The following ODR4 variants were observed in gnomAD, a reference collection of about 807,000 sequenced individuals.
ODR4 encodes the protein odr-4 GPCR localization factor homolog.
A neutral mutation model predicts 60.2 loss-of-function variants in ODR4; 47 were observed. The observed-to-expected ratio is 0.78, with a 90% confidence interval of 0.62 to 1.00. ODR4 has a LOEUF of 1.00. Among genes scored for constraint, ODR4 ranks in the 50% least tolerant of loss-of-function variants. The pLI is 0.00. For missense variants in ODR4, 488 were observed against 530.8 expected (o/e 0.92, Z 0.79); for synonymous variants, 178 against 175.5 (o/e 1.01, Z -0.11).
At chr1:186,378,820 C>G (rs1437649927) in intron 1 of ODR4, among the ~76,000 whole-genome samples, 1 of 152,196 alleles carries the variant, frequency 6.6e-6, no homozygotes, top group Non-Finnish European at 1.5e-5. Context: ...ATTAATGTTA[C>G]ATGGAAAGTA....
chr1:186,419,831 A>T lies in ODR4; in HGVS notation c.*755A>T, dbSNP rs1054728754. 15 of 152,242 alleles carry T rather than the reference A, an allele frequency of 9.9e-5. No individual in the cohort carries two copies. Among genetic ancestry groups the T allele is most frequent in the African/African-American group, 3.6e-4 (15 of 41,460 alleles). The allele number at this position is 152,242 out of a possible 1,614,324, so 9.4% of individuals were successfully genotyped here. On this transcript the variant is annotated 3_prime_UTR_variant, in exon 14 of 14. Transcript: ENST00000287859. ...TACCAAATGAGACAACAACTTTAGG[A>T]TAAGTTCATCCTCTAGGAGCTTTCT...
chr1:186,402,857 T>C (rs552582940), intron 11 of ODR4, among the ~76,000 whole-genome samples: 3 of 152,256 alleles, frequency 2.0e-5, no homozygotes, highest in Admixed American at 6.5e-5. Flanking sequence ...CTGGGAATTA[T>C]AGGCATGAGC....
the ODR4 span, among the ~76,000 whole-genome samples, chr1:186,429,289 G>C: frequency 6.6e-5 from 10 of 152,064 alleles, no homozygotes; most frequent in African/African-American, 2.4e-4. Context: ...AAAAGACAAT[G>C]AAAATGAAGA....
intron 12 of ODR4, among the ~76,000 whole-genome samples, chr1:186,408,278 T>A (rs1047683491): frequency 8.5e-5 from 13 of 152,120 alleles, no homozygotes; most frequent in African/African-American, 3.1e-4. Context: ...AAATTTTATT[T>A]TACTGCCTTT....
chr1:186,415,781 A>G (rs1256011545), intron 12 of ODR4, among the ~76,000 whole-genome samples: 1 of 152,256 alleles, frequency 6.6e-6, no homozygotes, highest in African/African-American at 2.4e-5. Flanking sequence ...CATTAAATAA[A>G]TTCGGATAGG....
the ODR4 span, among the ~76,000 whole-genome samples, chr1:186,430,612 AT>A: frequency 6.6e-6 from 1 of 152,038 alleles, no homozygotes. Context: ...TAATTTTAAT[AT>A]TTTTTTCTGT....
intron 12 of ODR4, chr1:186,412,006 C>T (rs1478076954): frequency 2.1e-5 from 4 of 190,360 alleles, no homozygotes; most frequent in African/African-American, 7.1e-5. Flanking sequence ...AGGTATGATC[C>T]TTTCAGGACT....
At chr1:186,405,076 AT>A (rs1360614127) in intron 11 of ODR4, among the ~76,000 whole-genome samples, 2 of 152,116 alleles carry the variant, frequency 1.3e-5, no homozygotes, top group Non-Finnish European at 2.9e-5. Context: ...ATTTAGATTT[AT>A]TTTTTTCTAA....
chr1:186,418,993 T>C lies in ODR4; in HGVS notation c.1298-16T>C, dbSNP rs1268060884. ...TCATTCCATTTTCATTTGTTCTGTG[T>C]TTGTTTTACTTTTAGGTGTGATTGC... On this transcript the variant is annotated splice_polypyrimidine_tract_variant and intron_variant, in intron 13 of 13. Coordinates refer to ENST00000287859, the MANE Select transcript of ODR4 (RefSeq NM_017847.6). 1.3e-6 allele frequency: 2 copies of C among 1,595,354 alleles called. No individual in the cohort carries two copies. Among genetic ancestry groups the C allele is most frequent in the African/African-American group, 2.7e-5 (2 of 74,942 alleles).
At chr1:186,407,059 T>A (rs1386678995) in intron 12 of ODR4, among the ~76,000 whole-genome samples, 1 of 152,140 alleles carries the variant, frequency 6.6e-6, no homozygotes, top group African/African-American at 2.4e-5. Context: ...GAACTTCAAA[T>A]CTATAGTAAA....
chr1:186,398,934 T>G lies in ODR4; in HGVS notation c.910-20T>G. On this transcript the variant is annotated intron_variant, in intron 10 of 13. Transcript: ENST00000287859. ...AGTATTTTATTTCTTACTGTGTTTT[T>G]TGTGTGTTTTTCCCTGTAGGCAGTA... 2.0e-6 allele frequency: 3 copies of G among 1,532,452 alleles called. No homozygotes were observed. Among genetic ancestry groups the G allele is most frequent in the Non-Finnish European group, 2.7e-6 (3 of 1,124,440 alleles). The allele number at this position is 1,532,452 out of a possible 1,614,324, so 94.9% of individuals were successfully genotyped here.
chr1:186,377,089 A>T (rs1391468334), intron 1 of ODR4, among the ~76,000 whole-genome samples: 1 of 152,218 alleles, frequency 6.6e-6, no homozygotes, highest in Non-Finnish European at 1.5e-5. Flanking sequence ...AGTTCCTTAT[A>T]TTAAATGGTG....
intron 2 of ODR4, among the ~76,000 whole-genome samples, chr1:186,380,575 C>CAAA (rs76089299): frequency 3.9e-5 from 5 of 129,814 alleles, no homozygotes; most frequent in African/African-American, 1.4e-4. Flanking sequence ...AGTACAAAGC[C>CAAA]AAAAAAAAAA....
At chr1:186,388,633 A>C (rs1660340139) in intron 5 of ODR4, 85 bp downstream of exon 5, 1 of 763,684 alleles carries the variant, frequency 1.3e-6, no homozygotes. Flanking sequence ...TATTTAAATC[A>C]TCATTTAAAA....
At chr1:186,408,539 CAT>C (rs1392889723) in intron 12 of ODR4, among the ~76,000 whole-genome samples, 23 of 149,038 alleles carry the variant, frequency 1.5e-4, no homozygotes, top group Admixed American at 7.4e-4. Context: ...ATAATATAAA[CAT>C]ATACATACAT....
chr1:186,431,457 TAGAC>T, the ODR4 span, among the ~76,000 whole-genome samples: 12 of 152,140 alleles, frequency 7.9e-5, no homozygotes, highest in African/African-American at 2.9e-4. Flanking sequence ...GCTTATCTAA[TAGAC>T]AGATGAGTTG....
rs183940162 is a variant in ODR4, at chr1:186,414,815, C to T, written c.1187-2729C>T. On this transcript the variant is annotated intron_variant, in intron 12 of 13. Transcript: ENST00000287859. The stretch of plus-strand genomic sequence containing the variant: ...GATTACAAGCGTGAGCCACTACGTC[C>T]GGCCAAAAAATACCTTTTTAACAGA... Among the ~76,000 whole-genome samples the T allele has an allele frequency of 1.0e-3, 152 of 152,034 alleles. 1 individual carries two copies. Among genetic ancestry groups the T allele is most frequent in the East Asian group, 3.9e-4 (2 of 5,178 alleles).
At chr1:186,378,815 T>C (rs1375668016) in intron 1 of ODR4, among the ~76,000 whole-genome samples, 1 of 152,212 alleles carries the variant, frequency 6.6e-6, no homozygotes, top group Admixed American at 6.5e-5. Context: ...GAATTATTAA[T>C]GTTACATGGA....
At chr1:186,385,481 CTTCCTCAAGCTGCCT>C (rs1181267016) in intron 3 of ODR4, among the ~76,000 whole-genome samples, 1 of 151,572 alleles carries the variant, frequency 6.6e-6, no homozygotes, top group Non-Finnish European at 1.5e-5. Context: ...GAGAAGGCAG[CTTCCTCAAGCTGCCT>C]TTGAAGTATC....
Sources: gnomAD v4.1 joint callset for allele counts (sites outside exome capture counted in the v4.1 genomes callset) on GRCh38, gnomAD v4.1.1 for gene constraint, MANE v1.5 for transcripts, NCBI Gene and HGNC (gene_info 2026-07-23, HGNC 2026-07-21) for gene names.